ZNF318: variants seen among roughly 807,000 people sequenced by gnomAD.
ZNF318 encodes endocrine regulator.
Under a neutral mutation model 124.2 loss-of-function variants are expected in ZNF318, and 51 were observed. The ratio of observed to expected loss-of-function variants is 0.41; its 90% CI spans 0.33 to 0.52. The LOEUF is 0.52. ZNF318 is among the 20% of genes least tolerant of loss of function. The pLI is 0.23. For synonymous variants in ZNF318, 1,090 were observed against 1,040.7 expected (o/e 1.05, Z -0.91); for missense variants, 2,815 against 2,811.2 (o/e 1.00, Z -0.03).
chr6:43,342,908 G>C, intron 6 of ZNF318, 29 bp from the exon 7 acceptor site: 2 of 1,578,366 alleles, frequency 1.3e-6, no homozygotes, highest in East Asian at 4.5e-5. Context: ...TACTTACAAG[G>C]AATTCAAGGC....
Position 43,357,416 on chromosome 6 carries a change from G to C in ZNF318, c.898C>G (p.Arg300Gly). The change falls in exon 3 of 10, where the codon CGA becomes GGA. Residue 300 changes from arginine (R) to glycine (G), a missense_variant. Around this residue, in one of 4 missense-constraint regions of ZNF318, gnomAD observed 1,377 missense variants for 1,353.5 expected, o/e 1.02. Transcript: ENST00000361428. ...GGACTTGGGCTTCTTCTACGCTGTC[G>C]ATAGTTGCGAGTTCCTGATGTAAAA... ...PSFTSGTRNY[R>G]QRRRSPSPRF... The C allele has an allele frequency of 4.3e-6, 7 of 1,614,142 alleles. No homozygotes were observed. The highest frequency in any genetic ancestry group is 5.9e-6 in the Non-Finnish European group (7 of 1,180,028).
intron 6 of ZNF318, among the ~76,000 whole-genome samples, chr6:43,344,833 A>G (rs140558964): frequency 1.2e-3 from 189 of 151,698 alleles, no homozygotes; most frequent in African/African-American, 4.4e-3. Flanking sequence ...TTGGAATAAC[A>G]TACACCAAGG....
chr6:43,352,777 G>A (rs1779547572), intron 4 of ZNF318, among the ~76,000 whole-genome samples: 1 of 152,236 alleles, frequency 6.6e-6, no homozygotes, highest in Non-Finnish European at 1.5e-5. Flanking sequence ...CATAGATAAA[G>A]GAACCATATG....
At chr6:43,347,975 T>C (rs970503999) in intron 6 of ZNF318, among the ~76,000 whole-genome samples, 1 of 152,202 alleles carries the variant, frequency 6.6e-6, no homozygotes, top group Non-Finnish European at 1.5e-5. Context: ...TTACTGACTT[T>C]AGCAACACAG....
chr6:43,365,407 C>T lies in ZNF318; in HGVS notation c.433G>A (p.Glu145Lys). The change falls in exon 2 of 10, where the codon GAA (glutamate) becomes AAA (lysine). Residue 145 changes from glutamate to lysine, a missense_variant. Around this residue, in one of 4 missense-constraint regions of ZNF318, gnomAD observed 1,377 missense variants for 1,353.5 expected, o/e 1.02. Transcript: ENST00000361428. Reference protein sequence around the residue: ...RSPGLCSDSLEKSLRITVGND... With the variant: ...RSPGLCSDSLKKSLRITVGND... ...CCAACAGTGATCCTTAAGCTCTTTTCCAAAGAGTCAGAACACAGACCAGGA... is the reference window on the plus strand; with the variant it reads ...CCAACAGTGATCCTTAAGCTCTTTTTCAAAGAGTCAGAACACAGACCAGGA... 1 of 1,614,044 alleles carries T rather than the reference C, an allele frequency of 6.2e-7. No individual in the cohort carries two copies. Among genetic ancestry groups the T allele is most frequent in the Non-Finnish European group, 8.5e-7 (1 of 1,179,982 alleles).
At chr6:43,342,621 G>GAA (rs1418512191) in intron 7 of ZNF318, 55 bp downstream of exon 7, 1 of 1,564,706 alleles carries the variant, frequency 6.4e-7, no homozygotes, top group African/African-American at 1.4e-5. Context: ...TAGGGGTATA[G>GAA]AAGTTTGAAG....
intron 2 of ZNF318, among the ~76,000 whole-genome samples, chr6:43,359,049 T>C (rs1462431477): frequency 3.9e-5 from 6 of 152,230 alleles, no homozygotes; most frequent in African/African-American, 1.4e-4. Flanking sequence ...AGTATCACTA[T>C]ATGGTAACTT....
At chr6:43,350,159 A>AGAATTAC (rs1253438025) in intron 5 of ZNF318, among the ~76,000 whole-genome samples, 2 of 152,176 alleles carry the variant, frequency 1.3e-5, no homozygotes, top group East Asian at 3.9e-4. Context: ...TTGAGGCAGG[A>AGAATTAC]GAATTACTTG....
At chr6:43,368,140 T>C (rs1338014640) in intron 1 of ZNF318, among the ~76,000 whole-genome samples, 1 of 152,230 alleles carries the variant, frequency 6.6e-6, no homozygotes, top group Non-Finnish European at 1.5e-5. Context: ...TCAACATTAT[T>C]TCTAAAACTA....
chr6:43,341,654 GAAAAAAAA>G (rs11357632), intron 8 of ZNF318, among the ~76,000 whole-genome samples: 15 of 122,404 alleles, frequency 1.2e-4, no homozygotes, highest in South Asian at 8.1e-4. Context: ...CATCTCAGAG[GAAAAAAAA>G]AAAAAAAAAA....
At chr6:43,342,336 C>A (rs1219695295) in intron 7 of ZNF318, 125 bp from the exon 8 acceptor site, 8 of 675,702 alleles carry the variant, frequency 1.2e-5, no homozygotes, top group Non-Finnish European at 1.9e-5. Context: ...CCCCCACCCC[C>A]TCTGCCAACT....
In ZNF318 at chr6:43,337,145, T is replaced by C; in HGVS notation, c.*13A>G. 1 of 1,549,430 alleles carries C rather than the reference T, an allele frequency of 6.5e-7. No homozygotes were observed. Among genetic ancestry groups the C allele is most frequent in the East Asian group, 2.3e-5 (1 of 44,194 alleles). On this transcript the variant is annotated 3_prime_UTR_variant, in exon 10 of 10. Transcript: ENST00000361428. ...CCAATGATTCACTCACAAGTAGCTC[T>C]AGGTATTTATTCTTAGTTGTGAACA...
At chr6:43,343,846 A>T (rs1421927978) in intron 6 of ZNF318, among the ~76,000 whole-genome samples, 1 of 151,634 alleles carries the variant, frequency 6.6e-6, no homozygotes, top group Non-Finnish European at 1.5e-5. Flanking sequence ...AAAAAAAAAA[A>T]AAAAAATTTT....
rs756505392 is a variant in ZNF318 at position 43,348,409 on chromosome 6, C to G, written c.2987G>C (p.Arg996Thr). 1 of 1,614,164 alleles carries G rather than the reference C, an allele frequency of 6.2e-7. No individual in the cohort carries two copies. Among genetic ancestry groups the G allele is most frequent in the South Asian group, 1.1e-5 (1 of 91,080 alleles). Residue 996 changes from arginine to threonine, a missense_variant, in exon 6 of 10, where the codon AGA becomes ACA. Physicochemically the swap from Arg to Thr is moderately conservative, Grantham distance 71. Transcript: ENST00000361428. The stretch of plus-strand genomic sequence containing the variant: ...TTTCCCAGGCTTCTCTGTAGGCTCT[C>G]TACTGTCACTTAAAGACTTCTGGGA... ...DKSQKSLSDS[R>T]EPTEKPGKAE...
intron 8 of ZNF318, among the ~76,000 whole-genome samples, chr6:43,341,572 C>G (rs1581639582): frequency 6.6e-6 from 1 of 151,010 alleles, no homozygotes; most frequent in South Asian, 2.1e-4. Context: ...ATGGGGTGAA[C>G]CCGGGAGGCG....
chr6:43,368,933 G>A (rs2150759788), intron 1 of ZNF318, 34 bp downstream of exon 1: 7 of 1,347,824 alleles, frequency 5.2e-6, no homozygotes, highest in Middle Eastern at 2.0e-4. Flanking sequence ...GGGACTGGGG[G>A]ATGGAGGGAG....
In ZNF318 at chr6:43,355,086, T is replaced by C. The variant is rs759004492; in HGVS notation, c.2248A>G (p.Ile750Val). The change falls in exon 4 of 10, where the codon ATT (isoleucine) becomes GTT (valine). Residue 750 changes from isoleucine to valine, a missense_variant. Around this residue, in one of 4 missense-constraint regions of ZNF318, gnomAD observed 1,377 missense variants for 1,353.5 expected, o/e 1.02. Coordinates refer to ENST00000361428, the MANE Select transcript of ZNF318 (RefSeq NM_014345.3). ...AAAGCAGCAGTGTGTGGAAGTCTAA[T>C]TGGGGCAGATGGGGCTGATGGCAAC... ...CMLPSAPSAP[I>V]RLPHTAALSQ... The C allele has an allele frequency of 4.0e-5, 64 of 1,614,056 alleles. No individual in the cohort carries two copies. Among genetic ancestry groups the C allele is most frequent in the East Asian group, 8.9e-5 (4 of 44,902 alleles).
chr6:43,360,716 T>C (rs751076687), intron 2 of ZNF318, among the ~76,000 whole-genome samples: 1 of 152,138 alleles, frequency 6.6e-6, no homozygotes, highest in Admixed American at 6.5e-5. Flanking sequence ...CACTGATGAA[T>C]GGATAAACAA....
At chr6:43,347,551 A>T (rs760579374) in intron 6 of ZNF318, among the ~76,000 whole-genome samples, 2 of 152,226 alleles carry the variant, frequency 1.3e-5, no homozygotes, top group Non-Finnish European at 2.9e-5. Flanking sequence ...TTGAGAATGC[A>T]TAACAATGGA....
Sources: allele counts gnomAD v4.1 joint callset (sites outside exome capture counted in the v4.1 genomes callset), GRCh38; gene constraint gnomAD v4.1.1; regional missense constraint gnomAD v4.1.1; transcripts MANE v1.5; gene names NCBI Gene and HGNC (gene_info 2026-07-23, HGNC 2026-07-21).